The following SYK variants were observed in gnomAD, a reference collection of about 807,000 sequenced individuals.
SYK encodes spleen associated tyrosine kinase, also known as tyrosine-protein kinase SYK.
In SYK, 16 loss-of-function variants were observed where a neutral mutation model predicts 77.8. That is an observed-to-expected ratio of 0.21 (90% CI 0.14 to 0.31). SYK has a LOEUF of 0.31. Among genes scored for constraint, SYK ranks in the 10% least tolerant of loss-of-function variants. The pLI is 1.00. For synonymous variants in SYK, 312 were observed against 308.7 expected (o/e 1.01, Z -0.11); for missense variants, 529 against 814.4 (o/e 0.65, Z 4.26).
At position 90,862,222 on chromosome 9, in the gene SYK, A is replaced by G. The variant is rs776335006; in HGVS notation, c.595A>G (p.Asn199Asp). Residue 199 changes from asparagine to aspartate, a missense_variant, in exon 4 of 14, where the codon AAC (asparagine) becomes GAC (aspartate). Physicochemically the swap from Asn to Asp is conservative, Grantham distance 23. Coordinates refer to ENST00000375754, the MANE Select transcript of SYK (RefSeq NM_003177.7). ...CTCTTCTAGGATCCGAGCCAGAGAC[A>G]ACAACGGCTCCTACGCCCTGTGCCT... is the stretch of plus-strand genomic sequence containing the variant. ...NGKFLIRARD[N>D]NGSYALCLLH... is the part of the protein sequence containing the mutation. 5 of 1,612,640 alleles carry G rather than the reference A, an allele frequency of 3.1e-6. No individual in the cohort carries two copies. Among genetic ancestry groups the G allele is most frequent in the Non-Finnish European group, 4.2e-6 (5 of 1,179,242 alleles).
rs889822039 is a variant in SYK, at chr9:90,801,835, G to C, written c.-100G>C. The C allele has an allele frequency of 1.3e-5, 2 of 152,418 alleles. No homozygotes were observed. Among genetic ancestry groups the C allele is most frequent in the Non-Finnish European group, 2.9e-5 (2 of 68,152 alleles). 9.4% of individuals were successfully genotyped at this position (152,418 alleles called of 1,614,324 possible). A position where few individuals can be genotyped will look rare whatever the true frequency, so the allele number is the denominator to read the frequency against. On this transcript the variant is annotated 5_prime_UTR_variant, in exon 1 of 14. Transcript: ENST00000375754. ...GCTGAGGCCACCCCGGCGGCGGCTG[G>C]AGAGCGAGGAGGAGCGGGTGGCCCC...
chr9:90,873,798 A>G (rs1464658214), intron 7 of SYK, among the ~76,000 whole-genome samples: 1 of 152,236 alleles, frequency 6.6e-6, no homozygotes, highest in East Asian at 1.9e-4. Flanking sequence ...AATAATGTCC[A>G]TGTAATATGA....
chr9:90,809,915 G>C lies in SYK; in HGVS notation c.-42+8022G>C, dbSNP rs547726252. ...CCCGTTTCCCTCCTGTTATGGAAAT[G>C]TTTGTGAGGCAGGTGGGACTTCAAT... On this transcript the variant is annotated intron_variant, in intron 1 of 13. Coordinates refer to ENST00000375754, the MANE Select transcript of SYK (RefSeq NM_003177.7). Among the ~76,000 whole-genome samples the C allele has an allele frequency of 2.6e-5, 4 of 152,242 alleles. No homozygotes were observed. The East Asian group carries it at 7.8e-4, about 30-fold the overall frequency.
chr9:90,814,226 G>A (rs999469348), intron 1 of SYK, among the ~76,000 whole-genome samples: 2 of 152,096 alleles, frequency 1.3e-5, no homozygotes, highest in African/African-American at 2.4e-5. Flanking sequence ...TTCTGGAAGG[G>A]GGAAGTACCA....
intron 1 of SYK, among the ~76,000 whole-genome samples, chr9:90,827,244 T>G (rs759495457): frequency 2.0e-5 from 3 of 152,120 alleles, no homozygotes; most frequent in Non-Finnish European, 4.4e-5. Context: ...CCTCCTCAAC[T>G]GGTGTGTGTT....
Position 90,843,934 on chromosome 9 carries a change from C to T in SYK, c.36C>T (p.His12=), listed in dbSNP as rs1373206128. The change falls in exon 2 of 14, where the codon CAC becomes CAT. Residue 12 remains histidine, a synonymous_variant. Transcript: ENST00000375754. The part of the protein sequence containing the change: ...ASSGMADSAN[H]LPFFFGNITR... Reference sequence around the variant, plus strand: ...GCGGCATGGCTGACAGCGCCAACCACCTGCCCTTCTTTTTCGGCAACATCA... The same window carrying T: ...GCGGCATGGCTGACAGCGCCAACCATCTGCCCTTCTTTTTCGGCAACATCA... 3 of 1,567,534 alleles carry T rather than the reference C, an allele frequency of 1.9e-6. No individual in the cohort carries two copies. Among genetic ancestry groups the T allele is most frequent in the Non-Finnish European group, 2.6e-6 (3 of 1,155,588 alleles).
chr9:90,877,836 C>A lies in SYK; in HGVS notation c.1391+56C>A, dbSNP rs1257568415. On this transcript the variant is annotated intron_variant, in intron 10 of 13. Transcript: ENST00000375754. ...GCTATCCCCTAAGGGACAGGGCCCA[C>A]CCCTGGATGGGCCGAGCAGCCTGAT... 4 of 1,580,462 alleles carry A rather than the reference C, an allele frequency of 2.5e-6. No individual in the cohort carries two copies. In the South Asian group the frequency reaches 3.4e-5, roughly 13 times the overall value.
At chr9:90,890,632 G>A (rs1456401732) in intron 13 of SYK, among the ~76,000 whole-genome samples, 9 of 152,194 alleles carry the variant, frequency 5.9e-5, no homozygotes, top group African/African-American at 2.2e-4. Flanking sequence ...ACAAGCCCCA[G>A]TCAAAAGGAA....
Position 90,865,043 on chromosome 9 carries a change from A to C in SYK, c.797-5A>C. The C allele has an allele frequency of 6.2e-7, 1 of 1,614,166 alleles. No homozygotes were observed. The highest frequency in any genetic ancestry group is 8.5e-7 in the Non-Finnish European group (1 of 1,180,002). On this transcript the variant is annotated splice_polypyrimidine_tract_variant and splice_region_variant and intron_variant, in intron 5 of 13. Coordinates refer to ENST00000375754, the MANE Select transcript of SYK (RefSeq NM_003177.7). ...GCAGTAATTGTCCATGCTCTCTCTAACCAGGAAATGTTAATTTTGGAGGCC... is the reference window on the plus strand; with the variant it reads ...GCAGTAATTGTCCATGCTCTCTCTACCCAGGAAATGTTAATTTTGGAGGCC...
intron 1 of SYK, among the ~76,000 whole-genome samples, chr9:90,838,021 G>A (rs1040124372): frequency 6.6e-6 from 1 of 152,198 alleles, no homozygotes; most frequent in Non-Finnish European, 1.5e-5. Context: ...GGTGCTCAAT[G>A]TCATTTCCTC....
At chr9:90,853,203 G>C (rs902124768) in intron 3 of SYK, among the ~76,000 whole-genome samples, 2 of 148,856 alleles carry the variant, frequency 1.3e-5, no homozygotes, top group Non-Finnish European at 1.5e-5. Flanking sequence ...ATGGTTCATC[G>C]GGCCTGTCTC....
rs57651872 is a variant in SYK, at chr9:90,896,203, G to GAAAAAAAA, written c.*608_*615dup. ...GTAGCCAGTTAAGGAAAGAAAGAAA[G>GAAAAAAAA]AAAAAAAAAAAAGGCCTGGATACTG... On this transcript the variant is annotated 3_prime_UTR_variant, in exon 14 of 14. Transcript: ENST00000375754. 6.0e-6 allele frequency: 1 copy of GAAAAAAAA among 166,164 alleles called. No homozygotes were observed. The highest frequency in any genetic ancestry group is 6.8e-5 in the Admixed American group (1 of 14,624). The allele number at this position is 166,164 out of a possible 1,614,324, so 10.3% of individuals were successfully genotyped here.
chr9:90,893,204 G>T (rs1828862657), intron 13 of SYK, among the ~76,000 whole-genome samples: 2 of 152,216 alleles, frequency 1.3e-5, no homozygotes, highest in South Asian at 4.1e-4. Context: ...ACTCCAGTGG[G>T]AATTCTAAGC....
At chr9:90,880,640 G>A (rs932374764) in intron 11 of SYK, among the ~76,000 whole-genome samples, 7 of 152,148 alleles carry the variant, frequency 4.6e-5, no homozygotes, top group Admixed American at 4.6e-4. Flanking sequence ...ATGAATGCTG[G>A]GCACCTTATC....
intron 3 of SYK, among the ~76,000 whole-genome samples, chr9:90,853,906 AAGAG>A (rs1182008335): frequency 2.0e-5 from 3 of 152,188 alleles, no homozygotes; most frequent in Admixed American, 6.5e-5. Flanking sequence ...AAAGAAAAAA[AAGAG>A]AGCAGGGCAG....
intron 3 of SYK, among the ~76,000 whole-genome samples, chr9:90,859,106 T>G (rs1407250191): frequency 2.0e-5 from 3 of 152,076 alleles, no homozygotes; most frequent in Non-Finnish European, 2.9e-5. Flanking sequence ...CACATAAGAG[T>G]GCATAACTAA....
intron 1 of SYK, among the ~76,000 whole-genome samples, chr9:90,804,774 A>G (rs963051911): frequency 3.9e-5 from 6 of 152,240 alleles, no homozygotes; most frequent in African/African-American, 1.4e-4. Context: ...TTAGATTTGA[A>G]CAGGTTGGAT....
intron 7 of SYK, among the ~76,000 whole-genome samples, chr9:90,870,374 T>A (rs530844431): frequency 4.7e-4 from 72 of 152,332 alleles, no homozygotes; most frequent in Non-Finnish European, 9.9e-4. Context: ...AGGATTAAAC[T>A]GAAATGTGTC....
chr9:90,819,506 A>G (rs990051097), intron 1 of SYK, among the ~76,000 whole-genome samples: 3 of 152,220 alleles, frequency 2.0e-5, no homozygotes, highest in Admixed American at 6.5e-5. Flanking sequence ...CACTTCTTAC[A>G]TGGTGGCAGC....
Sources: allele counts gnomAD v4.1 joint callset (sites outside exome capture counted in the v4.1 genomes callset), GRCh38; gene constraint gnomAD v4.1.1; transcripts MANE v1.5; gene names NCBI Gene and HGNC (gene_info 2026-07-23, HGNC 2026-07-21).